Variants in SLIT3 observed in about 807,000 individuals in gnomAD.
SLIT3 encodes the protein slit guidance ligand 3.
Under a neutral mutation model 184.0 loss-of-function variants are expected in SLIT3, and 68 were observed. That is an observed-to-expected ratio of 0.37 (90% CI 0.30 to 0.45). The LOEUF is 0.45. SLIT3 is among the 20% of genes least tolerant of loss of function. SLIT3 has a pLI of 1.00. For synonymous variants in SLIT3, 831 were observed against 828.6 expected (o/e 1.00, Z -0.05); for missense variants, 1,707 against 2,026.0 (o/e 0.84, Z 3.02).
intron 20 of SLIT3, among the ~76,000 whole-genome samples, chr5:168,736,635 C>A (rs1269683979): frequency 6.8e-6 from 1 of 146,712 alleles, no homozygotes; most frequent in African/African-American, 2.7e-5. Flanking sequence ...TGGCAGGCTG[C>A]CTGGGCTTGC....
intron 1 of SLIT3, among the ~76,000 whole-genome samples, chr5:169,297,233 A>T (rs925926203): frequency 2.0e-5 from 3 of 152,200 alleles, no homozygotes; most frequent in Non-Finnish European, 4.4e-5. Context: ...TGGAGGGGGA[A>T]AAATTGTCAG....
chr5:168,755,389 A>ATTTATTTCTTTTTCTTTCTTTC (rs1213373035), intron 16 of SLIT3, among the ~76,000 whole-genome samples: 1 of 133,640 alleles, frequency 7.5e-6, no homozygotes, highest in Non-Finnish European at 1.7e-5. Flanking sequence ...CAGTGCCGCC[A>ATTTATTTCTTTTTCTTTCTTTC]TTTCTTTCTT....
At chr5:168,897,214 G>A (rs139129839) in intron 4 of SLIT3, among the ~76,000 whole-genome samples, 10 of 152,306 alleles carry the variant, frequency 6.6e-5, no homozygotes, top group African/African-American at 2.4e-4. Flanking sequence ...GACAAGTGGG[G>A]TGACAAGTAT....
intron 4 of SLIT3, among the ~76,000 whole-genome samples, chr5:168,953,704 C>G (rs977030948): frequency 1.3e-5 from 2 of 152,178 alleles, no homozygotes; most frequent in African/African-American, 4.8e-5. Context: ...CTGGCACATC[C>G]GTGGCAGATG....
chr5:169,130,635 T>C (rs1761260712), intron 4 of SLIT3, among the ~76,000 whole-genome samples: 2 of 152,182 alleles, frequency 1.3e-5, no homozygotes, highest in South Asian at 4.1e-4. Flanking sequence ...CTGATAAATA[T>C]TTGTTACATG....
chr5:168,882,042 A>G (rs1034781399), intron 5 of SLIT3, among the ~76,000 whole-genome samples: 2 of 152,152 alleles, frequency 1.3e-5, no homozygotes, highest in African/African-American at 2.4e-5. Flanking sequence ...TTGCATGTAA[A>G]ACACCAAAAG....
chr5:169,125,709 AT>A (rs1761054170), intron 4 of SLIT3, among the ~76,000 whole-genome samples: 1 of 151,996 alleles, frequency 6.6e-6, no homozygotes. Flanking sequence ...CTCCTACCAC[AT>A]TTTTCCCCCA....
At chr5:168,943,363 G>A (rs532485805) in intron 4 of SLIT3, among the ~76,000 whole-genome samples, 8 of 152,190 alleles carry the variant, frequency 5.3e-5, no homozygotes, top group Non-Finnish European at 1.2e-4. Flanking sequence ...AATTCTCATA[G>A]GGAATAGAGA....
At chr5:169,098,173 T>C (rs1210929337) in intron 4 of SLIT3, among the ~76,000 whole-genome samples, 1 of 152,092 alleles carries the variant, frequency 6.6e-6, no homozygotes, top group Non-Finnish European at 1.5e-5. Flanking sequence ...TTTCATGCCT[T>C]AGAGTTAATT....
At chr5:168,947,773 TTTG>T (rs373469858) in intron 4 of SLIT3, among the ~76,000 whole-genome samples, 45 of 152,166 alleles carry the variant, frequency 3.0e-4, no homozygotes, top group African/African-American at 9.4e-4. Context: ...AGGTAGTTTT[TTTG>T]TTGTTGTTGT....
rs965505670 is a variant in SLIT3 at position 168,661,743 on chromosome 5, G to C, written c.*4711C>G. The C allele has an allele frequency of 2.0e-5, 3 of 152,196 alleles. No homozygotes were observed. The highest frequency in any genetic ancestry group is 7.2e-5 in the African/African-American group (3 of 41,442). 9.4% of individuals were successfully genotyped at this position (152,196 alleles called of 1,614,324 possible). A position where few individuals can be genotyped will look rare whatever the true frequency, so the allele number is the denominator to read the frequency against. On this transcript the variant is annotated 3_prime_UTR_variant, in exon 36 of 36. Coordinates refer to ENST00000519560, the MANE Select transcript of SLIT3 (RefSeq NM_003062.4). ...AGCAGACACCGTGGAGCAGGGCTGA[G>C]TTATGGTAGTCATGAGAGCATCTGA...
chr5:168,692,313 G>A (rs1312148973), intron 29 of SLIT3, among the ~76,000 whole-genome samples: 1 of 152,200 alleles, frequency 6.6e-6, no homozygotes, highest in Admixed American at 6.5e-5. Flanking sequence ...TAGGAGAGGA[G>A]AGGCAAGGAA....
chr5:169,271,039 G>A (rs1361051267), intron 1 of SLIT3, among the ~76,000 whole-genome samples: 3 of 152,066 alleles, frequency 2.0e-5, no homozygotes, highest in Admixed American at 6.6e-5. Context: ...AGGGGGCATC[G>A]TTCAACAGTA....
At chr5:169,294,886 G>A (rs537508177) in intron 1 of SLIT3, among the ~76,000 whole-genome samples, 1 of 152,286 alleles carries the variant, frequency 6.6e-6, no homozygotes, top group South Asian at 2.1e-4. Context: ...TCATAAGTAT[G>A]TGTGTTTCTC....
chr5:168,931,931 T>C (rs1040398283), intron 4 of SLIT3, among the ~76,000 whole-genome samples: 1 of 152,174 alleles, frequency 6.6e-6, no homozygotes, highest in Admixed American at 6.5e-5. Flanking sequence ...AAATGCTCCT[T>C]GACGCTCTAC....
chr5:169,200,310 C>A (rs1763871389), intron 3 of SLIT3, among the ~76,000 whole-genome samples: 1 of 152,234 alleles, frequency 6.6e-6, no homozygotes, highest in Admixed American at 6.5e-5. Flanking sequence ...CTACAGGTCA[C>A]CAGGACTGCT....
At chr5:168,675,575 G>A (rs1561868639) in intron 32 of SLIT3, among the ~76,000 whole-genome samples, 1 of 152,154 alleles carries the variant, frequency 6.6e-6, no homozygotes, top group African/African-American at 2.4e-5. Context: ...AAAGTGCTTT[G>A]TAACCAGGCA....
intron 23 of SLIT3, among the ~76,000 whole-genome samples, chr5:168,716,814 A>T (rs1401334920): frequency 6.6e-6 from 1 of 151,240 alleles, no homozygotes; most frequent in Non-Finnish European, 1.5e-5. Flanking sequence ...GCAGATAAAA[A>T]CAGATGCTAG....
intron 4 of SLIT3, among the ~76,000 whole-genome samples, chr5:169,165,232 G>C (rs1762599500): frequency 6.6e-6 from 1 of 152,238 alleles, no homozygotes; most frequent in Non-Finnish European, 1.5e-5. Flanking sequence ...AACCTCAGAA[G>C]GGCTGCATGC....
Sources: allele counts gnomAD v4.1 joint callset (sites outside exome capture counted in the v4.1 genomes callset), GRCh38; gene constraint gnomAD v4.1.1; transcripts MANE v1.5; gene names NCBI Gene and HGNC (gene_info 2026-07-23, HGNC 2026-07-21).